Variants in ABCA3 observed in about 807,000 individuals in gnomAD.
ABCA3 encodes the protein ATP binding cassette subfamily A member 3.
Under a neutral mutation model 172.8 loss-of-function variants are expected in ABCA3, and 88 were observed. That is an observed-to-expected ratio of 0.51 (90% confidence interval 0.43 to 0.61). The LOEUF is 0.61. Ranked by LOEUF, ABCA3 falls within the 20% of genes least tolerant of loss-of-function variation. ABCA3 has a pLI of 0.00. For missense variants in ABCA3, 2,164 were observed against 2,301.0 expected, an observed-to-expected ratio of 0.94 and a Z score of 1.22; for synonymous variants, 1,066 against 983.8, an observed-to-expected ratio of 1.08 and a Z score of -1.56.
rs756824803 is a variant in ABCA3, at chr16:2,326,065, G to A, written c.264C>T (p.Asp88=). The change falls in exon 5 of 33, where the codon GAC becomes GAT. Residue 88 remains aspartate (D), a synonymous_variant. Transcript: ENST00000301732. ...WELAYIPSHS[D]AAKTVTETVR... ...CTGTCTCAGTGACGGTCTTGGCAGC[G>A]TCACTGTGAGAAGGGATGTAGGCAA... The A allele has an allele frequency of 5.0e-6, 8 of 1,613,984 alleles. No individual in the cohort carries two copies. The highest frequency in any genetic ancestry group is 2.7e-5 in the African/African-American group (2 of 74,914).
At chr16:2,311,882 C>T (rs1401631310) in intron 10 of ABCA3, among the ~76,000 whole-genome samples, 1 of 152,088 alleles carries the variant, frequency 6.6e-6, no homozygotes, top group Admixed American at 6.6e-5. Flanking sequence ...GTCTTGAACT[C>T]CTGAGTTCAG....
In ABCA3 at chr16:2,297,931, C is replaced by A. The variant is rs2093682639; in HGVS notation, c.1897-10G>T. 6.2e-7 allele frequency: 1 copy of A among 1,613,224 alleles called. No homozygotes were observed. On this transcript the variant is annotated splice_polypyrimidine_tract_variant and intron_variant, in intron 15 of 32. Coordinates refer to ENST00000301732, the MANE Select transcript of ABCA3 (RefSeq NM_001089.3). The surrounding 1 kb of genome is among the most constrained non-coding windows in gnomAD (Gnocchi z 5.6). ...GTGACAGGCCCTTCAGCTGCAACGA[C>A]AGGGGACGCAGGGAGATGCAGGGCT...
intron 18 of ABCA3, among the ~76,000 whole-genome samples, chr16:2,293,788 G>A (rs1168772967): frequency 1.3e-5 from 2 of 151,192 alleles, no homozygotes; most frequent in African/African-American, 2.4e-5. Flanking sequence ...TGATCCACCC[G>A]CTTCGGCCTC....
At chr16:2,338,329 T>C (rs377014700) in intron 1 of ABCA3, among the ~76,000 whole-genome samples, 28 of 152,350 alleles carry the variant, frequency 1.8e-4, no homozygotes, top group African/African-American at 6.3e-4. Context: ...TTCAGTGTTT[T>C]GTCTGCCTAG....
At chr16:2,328,049 C>T (rs115539626) in intron 3 of ABCA3, among the ~76,000 whole-genome samples, 2,203 of 152,070 alleles carry the variant, frequency 0.014, 39 homozygotes, top group African/African-American at 0.043. Context: ...ATCTGTCCAA[C>T]GAAAATTCAT....
chr16:2,281,599 T>A lies in ABCA3; in HGVS notation c.4036-90A>T. ...GAGGGGCGGGGGTGGATGTGGGAGG[T>A]CTGGTGGGACTAAGGCCTTCAAGGC... is the stretch of plus-strand genomic sequence containing the variant. On this transcript the variant is annotated intron_variant, in intron 26 of 32. Coordinates refer to ENST00000301732, the MANE Select transcript of ABCA3 (RefSeq NM_001089.3). This position sits in a 1 kb window ranked among gnomAD's most constrained non-coding sequence, Gnocchi z 4.7. 2.4e-6 allele frequency: 3 copies of A among 1,227,232 alleles called. No homozygotes were observed. Among genetic ancestry groups the A allele is most frequent in the Non-Finnish European group, 3.5e-6 (3 of 859,952 alleles). 76.0% of individuals were successfully genotyped at this position (1,227,232 alleles called of 1,614,324 possible). A position where few individuals can be genotyped will look rare whatever the true frequency, so the allele number is the denominator to read the frequency against.
chr16:2,295,976 AG>A (rs1169168005), intron 17 of ABCA3, among the ~76,000 whole-genome samples: 2 of 152,180 alleles, frequency 1.3e-5, no homozygotes, highest in African/African-American at 4.8e-5. Context: ...GAGCACTGTC[AG>A]GGGCACCTGC....
intron 32 of ABCA3, 40 bp from the exon 33 acceptor site, chr16:2,276,845 G>C (rs994009917): frequency 1.2e-6 from 2 of 1,612,150 alleles, no homozygotes; most frequent in African/African-American, 2.7e-5. Flanking sequence ...AGAGAACAGG[G>C]CCCAGGCTCC....
chr16:2,313,858 A>G (rs552423561), intron 10 of ABCA3, among the ~76,000 whole-genome samples: 21 of 151,640 alleles, frequency 1.4e-4, no homozygotes, highest in African/African-American at 5.1e-4. Flanking sequence ...GTGCCACTAC[A>G]CTTAGCCTGG....
At position 2,325,998 on chromosome 16, in the gene ABCA3, G is replaced by C; in HGVS notation, c.319+12C>G. ...CACTAGGCCTGGCACCGAGAGCCCCGGCATGTCTCACCTCGCATGTTGATC... is the reference window on the plus strand; with the variant it reads ...CACTAGGCCTGGCACCGAGAGCCCCCGCATGTCTCACCTCGCATGTTGATC... On this transcript the variant is annotated intron_variant, in intron 5 of 32. Coordinates refer to ENST00000301732, the MANE Select transcript of ABCA3 (RefSeq NM_001089.3). 2.5e-6 allele frequency: 4 copies of C among 1,613,306 alleles called. No homozygotes were observed. Among genetic ancestry groups the C allele is most frequent in the Non-Finnish European group, 3.4e-6 (4 of 1,180,006 alleles).
rs556253061 is a variant in ABCA3, at chr16:2,279,742, AT to A, written c.4360-613del. 0.014 allele frequency among the ~76,000 whole-genome samples: 1,966 copies of A among 139,980 alleles called. 17 individuals carry two copies. Among genetic ancestry groups the A allele is most frequent in the African/African-American group, 0.041 (1,548 of 38,040 alleles). The allele number at this position is 139,980 out of a possible 152,430, so 91.8% of individuals were successfully genotyped here. On this transcript the variant is annotated intron_variant, in intron 28 of 32. Transcript: ENST00000301732. The surrounding 1 kb of genome is among the most constrained non-coding windows in gnomAD (Gnocchi z 4.4). ...TCTTTGGGGTTCTCAAGCTTCCAGA[AT>A]TTTTTTTTTTTTTTTTGAGACAGAG...
chr16:2,301,056 C>T (rs1032948244), intron 12 of ABCA3, among the ~76,000 whole-genome samples: 3 of 150,734 alleles, frequency 2.0e-5, no homozygotes, highest in Non-Finnish European at 4.4e-5. Context: ...CGGTGAAACC[C>T]CGTCTCTACT....
chr16:2,288,952 C>T (rs180892530), intron 20 of ABCA3: 245 of 193,124 alleles, frequency 1.3e-3, no homozygotes, highest in Middle Eastern at 6.8e-3. Context: ...AACAGATGGC[C>T]GAGCCTCCCA....
intron 19 of ABCA3, 91 bp from the exon 20 acceptor site, chr16:2,289,711 G>A: frequency 7.2e-7 from 1 of 1,391,604 alleles, no homozygotes; most frequent in East Asian, 2.5e-5. Context: ...GGGGAGCAGT[G>A]TTGCCGCAGT....
chr16:2,307,149 C>T (rs564823129), intron 11 of ABCA3, among the ~76,000 whole-genome samples: 24 of 151,968 alleles, frequency 1.6e-4, no homozygotes, highest in Admixed American at 3.3e-4. Flanking sequence ...AAAATGCTGT[C>T]GTTTATCACT....
At chr16:2,319,932 T>A in intron 7 of ABCA3, 92 bp from the exon 8 acceptor site, 1 of 1,557,434 alleles carries the variant, frequency 6.4e-7, no homozygotes, top group Admixed American at 1.7e-5. Flanking sequence ...GGGGAAGAGA[T>A]GCTTGGGGCA....
chr16:2,324,473 C>T lies in ABCA3; in HGVS notation c.378G>A (p.Ser126=), dbSNP rs759558701. The change falls in exon 6 of 33, where the codon TCG becomes TCA. Residue 126 remains serine (S), a synonymous_variant. Transcript: ENST00000301732. The part of the protein sequence containing the change: ...FEDYIRYDNC[S]SSVLAAVVFE... Reference sequence around the variant, plus strand: ...AGACCACGGCGGCCAGCACGCTGGACGAGCAGTTGTCGTACCTAATGTAGT... The same window carrying T: ...AGACCACGGCGGCCAGCACGCTGGATGAGCAGTTGTCGTACCTAATGTAGT... The T allele has an allele frequency of 1.4e-5, 22 of 1,610,260 alleles. No individual in the cohort carries two copies. The Admixed American group carries it at 2.3e-4, about 17-fold the overall frequency.
chr16:2,310,029 AAATT>A (rs2093704051), intron 10 of ABCA3, among the ~76,000 whole-genome samples: 1 of 152,192 alleles, frequency 6.6e-6, no homozygotes, highest in African/African-American at 2.4e-5. Context: ...ATTCTGTGAG[AAATT>A]AATACTAAGA....
intron 11 of ABCA3, among the ~76,000 whole-genome samples, chr16:2,307,353 G>C (rs1397349005): frequency 1.3e-5 from 2 of 151,916 alleles, no homozygotes; most frequent in Non-Finnish European, 2.9e-5. Context: ...AGGAGTTCAA[G>C]ACCAGCCTGG....
Sources: allele counts gnomAD v4.1 joint callset (sites outside exome capture counted in the v4.1 genomes callset), GRCh38; gene constraint gnomAD v4.1.1; non-coding constraint Gnocchi (gnomAD v3.1); transcripts MANE v1.5; gene names NCBI Gene and HGNC (gene_info 2026-07-23, HGNC 2026-07-21).